BSCL2: variants seen among roughly 807,000 people sequenced by gnomAD.
BSCL2 encodes the protein seipin.
A neutral mutation model predicts 57.4 loss-of-function variants in BSCL2; 41 were observed. The ratio of observed to expected loss-of-function variants is 0.71; its 90% CI spans 0.56 to 0.93. The LOEUF (loss-of-function observed/expected upper bound fraction) is 0.93. Ranked by LOEUF, BSCL2 falls within the 40% of genes least tolerant of loss-of-function variation. The pLI is 0.00. For synonymous variants in BSCL2, 237 were observed against 227.3 expected, an observed-to-expected ratio of 1.04 and a Z score of -0.38; for missense variants, 539 against 586.7, an observed-to-expected ratio of 0.92 and a Z score of 0.84.
chr11:62,707,208 C>G lies in BSCL2; in HGVS notation c.-13G>C. On this transcript the variant is annotated 5_prime_UTR_variant, in exon 1 of 11. Transcript: ENST00000360796. ...TTTCTGTAGACATCTTCCTGACGAG[C>G]CTCTGTTGACTCTGGATCTTCCACT... 1.3e-6 allele frequency: 2 copies of G among 1,551,836 alleles called. No homozygotes were observed. Among genetic ancestry groups the G allele is most frequent in the East Asian group, 4.9e-5 (2 of 41,044 alleles).
At chr11:62,692,984 C>A (rs1265710565) in intron 4 of BSCL2, among the ~76,000 whole-genome samples, 187 bp from the exon 5 acceptor site, 1 of 152,132 alleles carries the variant, frequency 6.6e-6, no homozygotes, top group Admixed American at 6.5e-5. Context: ...ACCTCTCTCC[C>A]TACTCAACCA....
At chr11:62,692,938 C>T (rs1305024582) in intron 4 of BSCL2, 141 bp from the exon 5 acceptor site, 11 of 1,024,520 alleles carry the variant, frequency 1.1e-5, no homozygotes, top group Non-Finnish European at 1.6e-5. Flanking sequence ...CACTTCCTAC[C>T]CCTCAGTCTC....
intron 2 of BSCL2, among the ~76,000 whole-genome samples, chr11:62,704,622 C>T (rs968838025): frequency 4.6e-5 from 7 of 151,410 alleles, no homozygotes; most frequent in African/African-American, 1.7e-4. Context: ...TGTGGTGGCA[C>T]ACACCTGTAA....
chr11:62,706,115 C>T (rs1448097273), intron 1 of BSCL2: 4 of 684,812 alleles, frequency 5.8e-6, no homozygotes, highest in Non-Finnish European at 1.9e-6. Context: ...GGCTACACCC[C>T]ACGCCCGGCG....
intron 7 of BSCL2, 52 bp downstream of exon 7, chr11:62,691,228 T>C (rs1280137721): frequency 3.7e-6 from 6 of 1,613,956 alleles, no homozygotes; most frequent in Non-Finnish European, 5.1e-6. Flanking sequence ...AACATACCCC[T>C]GACCACCCAC....
intron 2 of BSCL2, among the ~76,000 whole-genome samples, chr11:62,704,130 GAA>G (rs1341507886): frequency 4.7e-5 from 5 of 105,934 alleles, no homozygotes; most frequent in African/African-American, 3.6e-5. Context: ...GTCTCAAAAA[GAA>G]AAAAAAAAAA....
At chr11:62,702,421 G>A (rs1945670355) in intron 3 of BSCL2, 47 bp downstream of exon 3, 1 of 1,520,000 alleles carries the variant, frequency 6.6e-7, no homozygotes, top group South Asian at 1.1e-5. Flanking sequence ...TTCCTATTTT[G>A]AGTCATCAAA....
At chr11:62,699,472 A>C (rs1263438837) in intron 3 of BSCL2, among the ~76,000 whole-genome samples, 1 of 152,210 alleles carries the variant, frequency 6.6e-6, no homozygotes, top group Non-Finnish European at 1.5e-5. Context: ...CTGGGATTAC[A>C]GGCGTGAGCC....
intron 1 of BSCL2, chr11:62,706,180 G>A: frequency 1.9e-6 from 2 of 1,040,136 alleles, no homozygotes; most frequent in Non-Finnish European, 2.3e-6. Flanking sequence ...CTCGGGGGTG[G>A]GCAAAGCGCC....
chr11:62,703,934 T>C (rs1191686109), intron 2 of BSCL2, among the ~76,000 whole-genome samples: 1 of 139,926 alleles, frequency 7.1e-6, no homozygotes, highest in Non-Finnish European at 1.5e-5. Flanking sequence ...CTGGCCAACA[T>C]AGTGAAACCC....
intron 6 of BSCL2, among the ~76,000 whole-genome samples, chr11:62,692,051 TAAA>T (rs5792267): frequency 3.4e-4 from 45 of 132,366 alleles, no homozygotes; most frequent in Non-Finnish European, 3.7e-4. Flanking sequence ...GACCCCCTCT[TAAA>T]AAAAAAAAAA....
intron 3 of BSCL2, among the ~76,000 whole-genome samples, chr11:62,698,523 C>T (rs1422220755): frequency 3.3e-5 from 5 of 152,194 alleles, no homozygotes; most frequent in African/African-American, 4.8e-5. Context: ...CAGTTTACTA[C>T]TTAAATGTAT....
intron 2 of BSCL2, among the ~76,000 whole-genome samples, chr11:62,703,651 G>A (rs1046784551): frequency 8.6e-5 from 13 of 151,280 alleles, no homozygotes; most frequent in African/African-American, 4.9e-5. Flanking sequence ...GCGCCCGGCC[G>A]TATATATGTT....
At position 62,690,881 on chromosome 11, in the gene BSCL2, G is replaced by A. The variant is rs759489687; in HGVS notation, c.1073-14C>T. On this transcript the variant is annotated splice_polypyrimidine_tract_variant and intron_variant, in intron 8 of 10. Coordinates refer to ENST00000360796, the MANE Select transcript of BSCL2 (RefSeq NM_001122955.4). The stretch of plus-strand genomic sequence containing the variant: ...GGCCTTCAGGCCCTGCACCTCCAAA[G>A]AGGGAGAGGACAGGTTAGGGTTAGG... 2.5e-6 allele frequency: 4 copies of A among 1,613,128 alleles called. No individual in the cohort carries two copies. Among genetic ancestry groups the A allele is most frequent in the Non-Finnish European group, 3.4e-6 (4 of 1,179,732 alleles).
chr11:62,696,802 G>A (rs1221162276), intron 3 of BSCL2, among the ~76,000 whole-genome samples: 2 of 152,170 alleles, frequency 1.3e-5, no homozygotes, highest in African/African-American at 4.8e-5. Flanking sequence ...AAGCAATCCT[G>A]CCTTGGCCTC....
At chr11:62,708,282 C>T, upstream of BSCL2, 1 of 1,572,962 alleles carries the variant, frequency 6.4e-7, no homozygotes, top group Non-Finnish European at 8.8e-7. Context: ...TGAGAGGTCC[C>T]TCTTTTTTCC....
chr11:62,691,391 G>A lies in BSCL2; in HGVS notation c.894C>T (p.Cys298=). 5.6e-6 allele frequency: 9 copies of A among 1,614,198 alleles called. No individual in the cohort carries two copies. Among genetic ancestry groups the A allele is most frequent in the Middle Eastern group, 1.6e-4 (1 of 6,062 alleles). Residue 298 remains cysteine, a synonymous_variant, in exon 7 of 11, where the codon TGC becomes TGT. Coordinates refer to ENST00000360796, the MANE Select transcript of BSCL2 (RefSeq NM_001122955.4). ...AGTTGCTGGCAACACCTATGAAGGC[G>A]CAGGTCATCGGGAAGTTGTATAGCA... ...RYLLYNFPMT[C]AFIGVASNFT...
Position 62,694,700 on chromosome 11 carries a change from A to G in BSCL2, c.498T>C (p.Tyr166=), listed in dbSNP as rs1945404861. The change falls in exon 4 of 11, where the codon TAT becomes TAC. Residue 166 remains tyrosine (Y), a synonymous_variant. Coordinates refer to ENST00000360796, the MANE Select transcript of BSCL2 (RefSeq NM_001122955.4). ...CTAAGGTAACACGATACGGCTGTCC[A>G]TACATCAGCACCTGCCAAAGGTAGC... ...TKGGRDRVLM[Y]GQPYRVTLEL... is the part of the protein sequence containing the mutation. 2 of 1,614,126 alleles carry G rather than the reference A, an allele frequency of 1.2e-6. No homozygotes were observed. Among genetic ancestry groups the G allele is most frequent in the Middle Eastern group, 1.6e-4 (1 of 6,062 alleles).
At chr11:62,699,103 A>C (rs187475599) in intron 3 of BSCL2, among the ~76,000 whole-genome samples, 5,606 of 152,036 alleles carry the variant, frequency 0.037, 344 homozygotes, top group African/African-American at 0.13. Context: ...ACGGGGTTTC[A>C]CCAGTTGGCC....
Sources: gnomAD v4.1 joint callset for allele counts (sites outside exome capture counted in the v4.1 genomes callset) on GRCh38, gnomAD v4.1.1 for gene constraint, MANE v1.5 for transcripts, NCBI Gene and HGNC (gene_info 2026-07-23, HGNC 2026-07-21) for gene names.